Variants in INO80D observed in about 807,000 individuals in gnomAD.
The protein encoded by INO80D is INO80 complex subunit D.
A neutral mutation model predicts 87.6 loss-of-function variants in INO80D; 21 were observed. The ratio of observed to expected loss-of-function variants is 0.24; its 90% CI spans 0.17 to 0.35. INO80D has a LOEUF of 0.35. INO80D is among the 10% of genes least tolerant of loss of function. The pLI is 1.00. For synonymous variants in INO80D, 440 were observed against 491.0 expected (o/e 0.90, Z 1.37); for missense variants, 982 against 1,280.7 (o/e 0.77, Z 3.56).
intron 5 of INO80D, among the ~76,000 whole-genome samples, chr2:206,030,200 C>T (rs551978173): frequency 2.3e-4 from 35 of 152,310 alleles, no homozygotes; most frequent in Admixed American, 2.1e-3. Flanking sequence ...GGCCTGGGTA[C>T]GATGGCTCAC....
chr2:206,025,542 A>AAAAAAAAT (rs71301548), intron 6 of INO80D: 1 of 76,936 alleles, frequency 1.3e-5, no homozygotes, highest in East Asian at 4.3e-4. Flanking sequence ...AAAAAAAAAA[A>AAAAAAAAT]ATATATATAT....
chr2:206,041,647 C>T (rs1229382053), intron 5 of INO80D, among the ~76,000 whole-genome samples: 1 of 152,164 alleles, frequency 6.6e-6, no homozygotes, highest in African/African-American at 2.4e-5. Context: ...AACAAGTTGA[C>T]AAACATCACC....
intron 3 of INO80D, among the ~76,000 whole-genome samples, chr2:206,057,351 G>A (rs1242948194): frequency 1.3e-5 from 2 of 152,132 alleles, no homozygotes; most frequent in African/African-American, 4.8e-5. Flanking sequence ...AGTATTCGGA[G>A]ATTCACAAAG....
chr2:206,081,768 A>AAG (rs1690291599), intron 1 of INO80D, among the ~76,000 whole-genome samples: 2 of 147,062 alleles, frequency 1.4e-5, no homozygotes, highest in Non-Finnish European at 3.0e-5. Context: ...AAAAAAAAAA[A>AAG]AAAGAAAGAA....
At chr2:206,041,640 A>T (rs549559751) in intron 5 of INO80D, among the ~76,000 whole-genome samples, 110 of 152,358 alleles carry the variant, frequency 7.2e-4, no homozygotes, top group African/African-American at 2.4e-3. Flanking sequence ...TTGATATAAC[A>T]AGTTGACAAA....
rs1455081793 is a variant in INO80D, at chr2:206,056,564, G to T, written c.598C>A (p.Pro200Thr). 1 of 1,612,660 alleles carries T rather than the reference G, an allele frequency of 6.2e-7. No homozygotes were observed. Among genetic ancestry groups the T allele is most frequent in the Non-Finnish European group, 8.5e-7 (1 of 1,179,296 alleles). The change falls in exon 4 of 11, where the codon CCT becomes ACT. Residue 200 changes from proline (P) to threonine (T), a missense_variant. Transcript: ENST00000403263. ...RQEHFSPPPA[P>T]SQQQPPQQHS... Reference sequence around the variant, plus strand: ...TGCTGCGGAGGCTGCTGCTGTGAAGGTGCAGGAGGGGGACTAAAGTGCTCT... The same window carrying T: ...TGCTGCGGAGGCTGCTGCTGTGAAGTTGCAGGAGGGGGACTAAAGTGCTCT...
At chr2:206,030,381 TG>T (rs2105837921) in intron 5 of INO80D, among the ~76,000 whole-genome samples, 1 of 152,198 alleles carries the variant, frequency 6.6e-6, no homozygotes, top group South Asian at 2.1e-4. Flanking sequence ...GAGAATCATT[TG>T]AACCTGGGAG....
intron 6 of INO80D, chr2:206,025,542 A>AAAAAAATATAT (rs71301548): frequency 1.4e-4 from 11 of 76,948 alleles, no homozygotes; most frequent in African/African-American, 1.3e-4. Context: ...AAAAAAAAAA[A>AAAAAAATATAT]ATATATATAT....
intron 6 of INO80D, among the ~76,000 whole-genome samples, chr2:206,024,342 C>T (rs1015192565): frequency 1.3e-5 from 2 of 152,060 alleles, no homozygotes; most frequent in South Asian, 2.1e-4. Context: ...AGTAGGCATA[C>T]ACAGTAGAGG....
At chr2:206,015,161 A>T (rs1575803352) in intron 8 of INO80D, among the ~76,000 whole-genome samples, 1 of 152,300 alleles carries the variant, frequency 6.6e-6, no homozygotes, top group Non-Finnish European at 1.5e-5. Context: ...AGTTTGGAAA[A>T]TTTGCAGCCT....
intron 1 of INO80D, among the ~76,000 whole-genome samples, chr2:206,083,401 G>A (rs1319866606): frequency 1.3e-5 from 2 of 151,722 alleles, no homozygotes; most frequent in East Asian, 1.9e-4. Context: ...TAAAAATAAG[G>A]ACAAACTATA....
At chr2:206,064,746 C>T (rs1394941622) in intron 1 of INO80D, among the ~76,000 whole-genome samples, 3 of 152,060 alleles carry the variant, frequency 2.0e-5, no homozygotes, top group African/African-American at 7.2e-5. Context: ...TACAAGACTA[C>T]ATTCCACCTG....
At chr2:206,077,349 A>C (rs963773964) in intron 1 of INO80D, among the ~76,000 whole-genome samples, 9 of 152,136 alleles carry the variant, frequency 5.9e-5, no homozygotes, top group Non-Finnish European at 1.5e-5. Context: ...CAAAAAAAAA[A>C]AAACAAACTA....
intron 8 of INO80D, among the ~76,000 whole-genome samples, chr2:206,010,856 T>C (rs1011108763): frequency 2.0e-5 from 3 of 152,088 alleles, no homozygotes; most frequent in Admixed American, 2.0e-4. Flanking sequence ...GGTGGGTGGA[T>C]CACCTGAGGT....
intron 10 of INO80D, 76 bp downstream of exon 10, chr2:206,007,208 C>A: frequency 7.8e-7 from 1 of 1,288,908 alleles, no homozygotes; most frequent in Non-Finnish European, 1.1e-6. Context: ...ATGATAAACA[C>A]ATCTCAAAAC....
intron 5 of INO80D, among the ~76,000 whole-genome samples, chr2:206,041,024 T>C (rs1252333556): frequency 6.6e-6 from 1 of 152,196 alleles, no homozygotes; most frequent in Non-Finnish European, 1.5e-5. Flanking sequence ...GGTTTAACAC[T>C]TGAAGGTAGA....
Position 206,005,079 on chromosome 2 carries a change from G to C in INO80D, c.2373C>G (p.Ser791Arg). 6.2e-7 allele frequency: 1 copy of C among 1,613,940 alleles called. No homozygotes were observed. Among genetic ancestry groups the C allele is most frequent in the Non-Finnish European group, 8.5e-7 (1 of 1,179,866 alleles). The change falls in exon 11 of 11, where the codon AGC (serine) becomes AGG (arginine). Residue 791 changes from serine (S) to arginine (R), a missense_variant. Transcript: ENST00000403263. ...PGQFHGLHDG[S>R]HASQRPHPAQ... ...CAGGATGTGGCCTCTGGGAGGCATG[G>C]CTGCCGTCATGAAGTCCATGAAACT...
chr2:206,080,484 A>AT (rs1484661623), intron 1 of INO80D, among the ~76,000 whole-genome samples: 2 of 152,170 alleles, frequency 1.3e-5, no homozygotes, highest in Non-Finnish European at 2.9e-5. Flanking sequence ...ATACTGCACA[A>AT]TTTTTTACTG....
At chr2:206,045,413 A>G (rs1269215557) in intron 5 of INO80D, among the ~76,000 whole-genome samples, 1 of 152,230 alleles carries the variant, frequency 6.6e-6, no homozygotes, top group African/African-American at 2.4e-5. Context: ...ATCTATTCAA[A>G]CCACAACATT....
Sources: gnomAD v4.1 joint callset for allele counts (sites outside exome capture counted in the v4.1 genomes callset) on GRCh38, gnomAD v4.1.1 for gene constraint, MANE v1.5 for transcripts, NCBI Gene and HGNC (gene_info 2026-07-23, HGNC 2026-07-21) for gene names.